Variants in FAM78B observed in about 807,000 individuals in gnomAD.
The protein encoded by FAM78B is family with sequence similarity 78 member B.
A neutral mutation model predicts 20.0 loss-of-function variants in FAM78B; 10 were observed. The observed-to-expected ratio is 0.50, with a 90% CI of 0.31 to 0.85. FAM78B has a LOEUF of 0.85. Ranked by LOEUF, FAM78B falls within the 40% of genes least tolerant of loss-of-function variation. The pLI is 0.05. For missense variants in FAM78B, 283 were observed against 345.0 expected (o/e 0.82, Z 1.42); for synonymous variants, 135 against 132.8 (o/e 1.02, Z -0.12).
intron 1 of FAM78B, among the ~76,000 whole-genome samples, chr1:166,118,287 T>G (rs1001204453): frequency 6.6e-6 from 1 of 152,032 alleles, no homozygotes; most frequent in Non-Finnish European, 1.5e-5. Context: ...GCATGAAGGG[T>G]GCCGTGGGAC....
chr1:166,097,767 C>T (rs547818087), intron 1 of FAM78B, among the ~76,000 whole-genome samples: 2 of 151,816 alleles, frequency 1.3e-5, no homozygotes, highest in East Asian at 2.0e-4. Flanking sequence ...TGCCCAGCCC[C>T]GCCCCCACCT....
chr1:166,080,390 C>T (rs1237416779), intron 1 of FAM78B, among the ~76,000 whole-genome samples: 1 of 152,226 alleles, frequency 6.6e-6, no homozygotes, highest in South Asian at 2.1e-4. Context: ...TACACAGGCA[C>T]AGCAGGGGAT....
intron 1 of FAM78B, among the ~76,000 whole-genome samples, chr1:166,112,959 G>C (rs1654113219): frequency 6.6e-6 from 1 of 152,210 alleles, no homozygotes; most frequent in South Asian, 2.1e-4. Context: ...TCCACTTAAA[G>C]TGCATTGTTC....
chr1:166,166,319 C>A lies in FAM78B; in HGVS notation c.-71G>T. On this transcript the variant is annotated 5_prime_UTR_variant, in exon 1 of 2. Coordinates refer to ENST00000354422, the MANE Select transcript of FAM78B (RefSeq NM_001017961.5). ...GCCCGCGCGGGCAGCCGGGGGCGCCCGTCACGCCGGCATGGCGACGCGCCG... is the reference window on the plus strand; with the variant it reads ...GCCCGCGCGGGCAGCCGGGGGCGCCAGTCACGCCGGCATGGCGACGCGCCG... 6 of 1,111,054 alleles carry A rather than the reference C, an allele frequency of 5.4e-6. No individual in the cohort carries two copies. The South Asian group carries it at 1.7e-4, about 32-fold the overall frequency. The allele number at this position is 1,111,054 out of a possible 1,614,324, so 68.8% of individuals were successfully genotyped here.
chr1:166,125,565 A>G (rs921136029), intron 1 of FAM78B, among the ~76,000 whole-genome samples: 2 of 152,204 alleles, frequency 1.3e-5, no homozygotes, highest in Non-Finnish European at 2.9e-5. Flanking sequence ...GCATTGAGCT[A>G]AACTATTAAC....
rs61835128 is a variant in FAM78B, at chr1:166,150,389, A to G, written c.263+15597T>C. On this transcript the variant is annotated intron_variant, in intron 1 of 1. Coordinates refer to ENST00000354422, the MANE Select transcript of FAM78B (RefSeq NM_001017961.5). ...TTCAAACCAGAAAAAGGAGACATGA[A>G]AAGCTTACTTTTCTCTATAATTGAG... is the stretch of plus-strand genomic sequence containing the variant. Among the ~76,000 whole-genome samples the G allele has an allele frequency of 8.4e-3, 1,285 of 152,368 alleles. 8 individuals carry two copies. The highest frequency in any genetic ancestry group is 0.013 in the Non-Finnish European group (857 of 68,034).
chr1:166,101,079 C>T (rs1471024938), intron 1 of FAM78B, among the ~76,000 whole-genome samples: 3 of 152,218 alleles, frequency 2.0e-5, no homozygotes, highest in Non-Finnish European at 4.4e-5. Flanking sequence ...CCCAGGCAAA[C>T]AGGGTCTGGA....
intron 1 of FAM78B, among the ~76,000 whole-genome samples, chr1:166,101,930 A>T (rs1653537672): frequency 6.6e-6 from 1 of 152,174 alleles, no homozygotes; most frequent in South Asian, 2.1e-4. Flanking sequence ...AGTTGAAATG[A>T]AGGAAAAAAT....
At chr1:166,158,777 T>A (rs751240957) in intron 1 of FAM78B, among the ~76,000 whole-genome samples, 1 of 152,266 alleles carries the variant, frequency 6.6e-6, no homozygotes, top group Non-Finnish European at 1.5e-5. Flanking sequence ...TCCCACTCTG[T>A]GGGCAGTTCT....
At chr1:166,101,242 A>T (rs1653501564) in intron 1 of FAM78B, among the ~76,000 whole-genome samples, 3 of 152,222 alleles carry the variant, frequency 2.0e-5, no homozygotes, top group Admixed American at 1.3e-4. Context: ...AAGATGGGGA[A>T]AAAACAGAGC....
At chr1:166,134,028 A>G (rs914463546) in intron 1 of FAM78B, among the ~76,000 whole-genome samples, 1 of 152,116 alleles carries the variant, frequency 6.6e-6, no homozygotes. Context: ...CTCCCACCGT[A>G]TGTTCTCCCC....
chr1:166,136,378 G>C (rs2101784342), intron 1 of FAM78B, among the ~76,000 whole-genome samples: 1 of 152,302 alleles, frequency 6.6e-6, no homozygotes, highest in Non-Finnish European at 1.5e-5. Flanking sequence ...GACAGGGTGT[G>C]AGGGTTGGGG....
intron 1 of FAM78B, among the ~76,000 whole-genome samples, chr1:166,111,727 G>T (rs1208649510): frequency 6.6e-6 from 1 of 152,200 alleles, no homozygotes; most frequent in Non-Finnish European, 1.5e-5. Context: ...TCCAACGAAT[G>T]CAGGTCATCA....
At chr1:166,109,814 G>GTGTATATATATA (rs1553219345) in intron 1 of FAM78B, among the ~76,000 whole-genome samples, 1 of 32,648 alleles carries the variant, frequency 3.1e-5, no homozygotes, top group African/African-American at 9.8e-5. Flanking sequence ...ATGTATATAT[G>GTGTATATATATA]TATATATATA....
intron 1 of FAM78B, among the ~76,000 whole-genome samples, chr1:166,097,661 C>T (rs1334691106): frequency 6.6e-6 from 1 of 152,152 alleles, no homozygotes; most frequent in Non-Finnish European, 1.5e-5. Flanking sequence ...GAGCCATAAT[C>T]CTCCTAGGTA....
At chr1:166,095,215 G>C (rs1359729585) in intron 1 of FAM78B, among the ~76,000 whole-genome samples, 1 of 152,152 alleles carries the variant, frequency 6.6e-6, no homozygotes, top group African/African-American at 2.4e-5. Context: ...CAAAGGGCTT[G>C]CCCATGCCCT....
intron 1 of FAM78B, among the ~76,000 whole-genome samples, chr1:166,108,493 G>A (rs1052766346): frequency 1.3e-5 from 2 of 152,086 alleles, no homozygotes; most frequent in Non-Finnish European, 2.9e-5. Context: ...ACAAAACACT[G>A]CTGAAAGAGA....
Position 166,161,154 on chromosome 1 carries a change from TTTC to T in FAM78B, c.263+4829_263+4831del, listed in dbSNP as rs1387875558. Among the ~76,000 whole-genome samples the T allele has an allele frequency of 3.3e-5, 5 of 151,548 alleles. No homozygotes were observed. The East Asian group carries it at 7.8e-4, about 24-fold the overall frequency. On this transcript the variant is annotated intron_variant, in intron 1 of 1. Coordinates refer to ENST00000354422, the MANE Select transcript of FAM78B (RefSeq NM_001017961.5). ...AATCAGAGAACAGAAAGAGATTTTC[TTTC>T]TTTTTTTTTTTTTGAAACAGACTCT...
At chr1:166,152,529 C>T (rs715421) in intron 1 of FAM78B, among the ~76,000 whole-genome samples, 31,655 of 152,022 alleles carry the variant, frequency 0.21, 3,919 homozygotes, top group South Asian at 0.39. Flanking sequence ...TTCATACTCC[C>T]TCTCTGCTGC....
Sources: gnomAD v4.1 joint callset for allele counts (sites outside exome capture counted in the v4.1 genomes callset) on GRCh38, gnomAD v4.1.1 for gene constraint, MANE v1.5 for transcripts, NCBI Gene and HGNC (gene_info 2026-07-23, HGNC 2026-07-21) for gene names.